XKR9: variants seen among roughly 807,000 people sequenced by gnomAD.
XKR9 encodes the protein XK related 9.
XKR9 carries 32 observed loss-of-function variants against 32.0 expected under a neutral mutation model. The observed-to-expected ratio is 1.00, with a 90% CI of 0.76 to 1.34. XKR9 has a LOEUF of 1.34. Among genes scored for constraint, XKR9 ranks in the 40% most tolerant of loss-of-function variants. The pLI is 0.00. For missense variants in XKR9, 546 were observed against 429.7 expected (o/e 1.27, Z -2.39); for synonymous variants, 168 against 143.4 (o/e 1.17, Z -1.22).
At chr8:70,950,015 G>A in the XKR9 span, among the ~76,000 whole-genome samples, 16 of 152,158 alleles carry the variant, frequency 1.1e-4, no homozygotes, top group Non-Finnish European at 2.1e-4. Context: ...ATTCTTCCCT[G>A]CTAGCAGCCT....
chr8:70,698,724 A>G (rs995707657), intron 3 of XKR9, among the ~76,000 whole-genome samples: 19 of 152,140 alleles, frequency 1.2e-4, no homozygotes, highest in Non-Finnish European at 2.5e-4. Flanking sequence ...AGCTGAGTTC[A>G]ATTCCTGGGT....
At chr8:71,006,146 G>T in the XKR9 span, among the ~76,000 whole-genome samples, 53 of 152,346 alleles carry the variant, frequency 3.5e-4, no homozygotes, top group East Asian at 1.2e-3. Context: ...AAGTTAAATG[G>T]CTGGGAATTG....
the XKR9 span, among the ~76,000 whole-genome samples, chr8:71,023,205 A>T: frequency 6.6e-6 from 1 of 151,838 alleles, no homozygotes; most frequent in African/African-American, 2.4e-5. Context: ...CCTTTCACTG[A>T]TTTCTGCACA....
chr8:70,717,722 T>C lies in XKR9; in HGVS notation c.493+10569T>C, dbSNP rs1180469147. ...CCTGGAGACATTTTTCCCATTGTCC[T>C]GGTGATTAACATTCGACTGCGTAAT... On this transcript the variant is annotated intron_variant, in intron 4 of 4. Coordinates refer to ENST00000408926, the MANE Select transcript of XKR9 (RefSeq NM_001011720.2). 2.0e-5 allele frequency among the ~76,000 whole-genome samples: 3 copies of C among 152,218 alleles called. No homozygotes were observed. The East Asian group carries it at 5.8e-4, about 29-fold the overall frequency.
the XKR9 span, among the ~76,000 whole-genome samples, chr8:70,814,012 T>G: frequency 6.6e-6 from 1 of 152,218 alleles, no homozygotes; most frequent in Non-Finnish European, 1.5e-5. Context: ...ATTGCGGCAT[T>G]ATTCACAATA....
chr8:70,882,707 A>G, the XKR9 span, among the ~76,000 whole-genome samples: 1 of 152,028 alleles, frequency 6.6e-6, no homozygotes, highest in Non-Finnish European at 1.5e-5. Context: ...TTTTCCTATT[A>G]TTAACATAGT....
the XKR9 span, among the ~76,000 whole-genome samples, chr8:70,859,531 A>G: frequency 6.6e-6 from 1 of 152,164 alleles, no homozygotes; most frequent in Non-Finnish European, 1.5e-5. Context: ...TATATTGAAA[A>G]GATACCTGCA....
intron 2 of XKR9, among the ~76,000 whole-genome samples, chr8:70,755,513 T>G (rs961195960): frequency 4.6e-5 from 7 of 152,126 alleles, no homozygotes; most frequent in African/African-American, 1.4e-4. Context: ...CCAACCCAAA[T>G]GTCCAACAAT....
At chr8:70,897,779 C>T in the XKR9 span, among the ~76,000 whole-genome samples, 3 of 152,130 alleles carry the variant, frequency 2.0e-5, no homozygotes, top group Admixed American at 6.5e-5. Context: ...ACTCCTTTGT[C>T]AGATGAATAG....
At chr8:70,706,127 AG>A (rs1805708871) in intron 3 of XKR9, among the ~76,000 whole-genome samples, 1 of 152,160 alleles carries the variant, frequency 6.6e-6, no homozygotes, top group Non-Finnish European at 1.5e-5. Context: ...TTATATGTGA[AG>A]AAACTGAGAC....
the XKR9 span, among the ~76,000 whole-genome samples, chr8:71,035,463 C>T: frequency 6.6e-6 from 1 of 152,200 alleles, no homozygotes; most frequent in African/African-American, 2.4e-5. Context: ...CGATAAGTTT[C>T]ACTTCCTTTG....
At chr8:70,952,073 A>G in the XKR9 span, among the ~76,000 whole-genome samples, 12 of 151,868 alleles carry the variant, frequency 7.9e-5, no homozygotes, top group East Asian at 2.3e-3. Flanking sequence ...ACTTTCCTAT[A>G]TGTTTTGAGA....
chr8:70,773,433 T>G (rs1807479744), intron 2 of XKR9, among the ~76,000 whole-genome samples: 1 of 152,210 alleles, frequency 6.6e-6, no homozygotes, highest in Non-Finnish European at 1.5e-5. Flanking sequence ...TTTACTTCCC[T>G]TCAGGCTGTC....
the XKR9 span, among the ~76,000 whole-genome samples, chr8:70,849,156 C>T: frequency 3.9e-5 from 6 of 152,150 alleles, no homozygotes; most frequent in African/African-American, 1.4e-4. Context: ...TTCTCAGCAC[C>T]ACATCGCACT....
the XKR9 span, among the ~76,000 whole-genome samples, chr8:70,993,001 A>T: frequency 0.01 from 1,525 of 152,336 alleles, 23 homozygotes; most frequent in African/African-American, 0.035. Context: ...CTAGGATGGC[A>T]AATGCTTTCT....
At chr8:70,752,143 A>T (rs1050703823) in intron 2 of XKR9, among the ~76,000 whole-genome samples, 10 of 152,212 alleles carry the variant, frequency 6.6e-5, no homozygotes, top group Admixed American at 4.6e-4. Context: ...CTAAGCAACC[A>T]CAATCTGCCT....
chr8:70,749,841 CT>C (rs1392266204), intron 2 of XKR9, among the ~76,000 whole-genome samples: 1 of 152,218 alleles, frequency 6.6e-6, no homozygotes, highest in African/African-American at 2.4e-5. Flanking sequence ...AGGTTTAATC[CT>C]TTTGCATATA....
chr8:71,022,443 A>C, the XKR9 span, among the ~76,000 whole-genome samples: 1 of 152,106 alleles, frequency 6.6e-6, no homozygotes, highest in Non-Finnish European at 1.5e-5. Context: ...TAAATATATT[A>C]TCCCACTCTA....
At chr8:70,745,666 A>G (rs532356063) in intron 2 of XKR9, among the ~76,000 whole-genome samples, 3 of 152,248 alleles carry the variant, frequency 2.0e-5, no homozygotes, top group South Asian at 4.2e-4. Flanking sequence ...TTTGAAGGCT[A>G]TCAGTTAATA....
Sources: gnomAD v4.1 joint callset for allele counts (sites outside exome capture counted in the v4.1 genomes callset) on GRCh38, gnomAD v4.1.1 for gene constraint, MANE v1.5 for transcripts, NCBI Gene and HGNC (gene_info 2026-07-23, HGNC 2026-07-21) for gene names.